The following ZNF420 variants were observed in gnomAD, a reference collection of about 807,000 sequenced individuals.
The protein encoded by ZNF420 is zinc finger protein 420.
A neutral mutation model predicts 44.7 loss-of-function variants in ZNF420; 31 were observed. That is an observed-to-expected ratio of 0.69 (90% CI 0.52 to 0.94). ZNF420 has a LOEUF of 0.94. ZNF420 is among the 40% of genes least tolerant of loss of function. The pLI, the probability that ZNF420 is intolerant of heterozygous loss-of-function variation, is 0.00. For synonymous variants in ZNF420, 245 were observed against 267.4 expected (o/e 0.92, Z 0.82); for missense variants, 681 against 827.9 (o/e 0.82, Z 2.18).
At chr19:37,091,705 C>G (rs1186974683) in intron 4 of ZNF420, 1 of 152,098 alleles carries the variant, frequency 6.6e-6, no homozygotes, top group African/African-American at 2.4e-5. Flanking sequence ...GTGGGTAGAT[C>G]ACCTGAGGTC....
chr19:37,116,723 A>T (rs1020303873), intron 4 of ZNF420, among the ~76,000 whole-genome samples: 4 of 152,182 alleles, frequency 2.6e-5, no homozygotes, highest in Non-Finnish European at 5.9e-5. Flanking sequence ...GGGGTGACAG[A>T]CGGCACCTGG....
chr19:37,098,427 A>G (rs915397966), intron 4 of ZNF420, among the ~76,000 whole-genome samples: 2 of 152,100 alleles, frequency 1.3e-5, no homozygotes, highest in African/African-American at 2.4e-5. Flanking sequence ...TAAATTTTTT[A>G]TGTGGTTATT....
chr19:37,116,725 G>A (rs551258301), intron 4 of ZNF420, among the ~76,000 whole-genome samples: 156 of 152,240 alleles, frequency 1.0e-3, no homozygotes, highest in African/African-American at 3.1e-3. Flanking sequence ...GGTGACAGAC[G>A]GCACCTGGAA....
chr19:37,120,459 T>C (rs1222762419), intron 4 of ZNF420, among the ~76,000 whole-genome samples: 5 of 152,134 alleles, frequency 3.3e-5, no homozygotes, highest in Non-Finnish European at 4.4e-5. Flanking sequence ...AATTAGGTAT[T>C]GATGGGATGT....
intron 2 of ZNF420, among the ~76,000 whole-genome samples, chr19:37,086,033 C>T (rs371479618): frequency 6.6e-6 from 1 of 151,316 alleles, no homozygotes; most frequent in African/African-American, 2.4e-5. Flanking sequence ...AACTTCTGGC[C>T]TCAAGTAATC....
At chr19:37,060,264 C>T (rs750631664) in intron 1 of ZNF420, among the ~76,000 whole-genome samples, 3 of 152,126 alleles carry the variant, frequency 2.0e-5, no homozygotes, top group Non-Finnish European at 4.4e-5. Flanking sequence ...GTTGTATCTC[C>T]TCGCGTCTCT....
intron 1 of ZNF420, among the ~76,000 whole-genome samples, chr19:37,057,490 TTC>T (rs749777753): frequency 7.3e-5 from 11 of 151,026 alleles, no homozygotes; most frequent in Non-Finnish European, 1.2e-4. Context: ...CTCTGTCTGT[TTC>T]TCTCTCTCTC....
chr19:37,038,569 A>G (rs569125183), intron 1 of ZNF420, among the ~76,000 whole-genome samples: 2 of 152,204 alleles, frequency 1.3e-5, no homozygotes, highest in Non-Finnish European at 2.9e-5. Context: ...TCTTTCAACA[A>G]TGTTGACAGC....
At chr19:37,104,333 G>A (rs1969957010) in intron 4 of ZNF420, among the ~76,000 whole-genome samples, 1 of 152,102 alleles carries the variant, frequency 6.6e-6, no homozygotes, top group African/African-American at 2.4e-5. Context: ...TTTTATGGCT[G>A]CATAGTATTC....
chr19:37,071,003 A>G (rs1406997282), intron 1 of ZNF420, among the ~76,000 whole-genome samples: 1 of 152,226 alleles, frequency 6.6e-6, no homozygotes, highest in Non-Finnish European at 1.5e-5. Flanking sequence ...ACAATGGCAG[A>G]GTTGAGTAGT....
intron 1 of ZNF420, among the ~76,000 whole-genome samples, chr19:37,018,759 G>A (rs1158856288): frequency 3.3e-5 from 5 of 151,916 alleles, no homozygotes; most frequent in African/African-American, 1.2e-4. Context: ...TAGTAGAGGC[G>A]GGGTTTCACC....
intron 1 of ZNF420, among the ~76,000 whole-genome samples, chr19:37,008,758 T>C (rs902522008): frequency 3.3e-5 from 5 of 152,340 alleles, no homozygotes; most frequent in African/African-American, 1.2e-4. Flanking sequence ...TGCTGTATCC[T>C]GCCTGGGCTC....
At chr19:37,012,631 G>A (rs1314603365) in intron 1 of ZNF420, among the ~76,000 whole-genome samples, 3 of 152,198 alleles carry the variant, frequency 2.0e-5, no homozygotes, top group Non-Finnish European at 4.4e-5. Flanking sequence ...GTGCACCCCC[G>A]TGACCTCGAG....
chr19:37,013,639 G>A (rs1013123393), intron 1 of ZNF420, among the ~76,000 whole-genome samples: 13 of 152,188 alleles, frequency 8.5e-5, no homozygotes, highest in African/African-American at 3.1e-4. Flanking sequence ...CAGGAATGGG[G>A]TTACAATCTG....
rs189278287 is a variant in ZNF420, at chr19:37,080,422, T to G, written c.-81+34T>G. On this transcript the variant is annotated intron_variant, in intron 2 of 4. Coordinates refer to ENST00000337995, the MANE Select transcript of ZNF420 (RefSeq NM_144689.5). ...TTCCTCTTTGTTTCCTGAAATACCT[T>G]TGTTATTACAGGACATAGACATTTT... 6 of 152,786 alleles carry G rather than the reference T, an allele frequency of 3.9e-5. No homozygotes were observed. The East Asian group carries it at 1.2e-3, about 29-fold the overall frequency. The allele number at this position is 152,786 out of a possible 1,614,324, so 9.5% of individuals were successfully genotyped here. A position where few individuals can be genotyped will look rare whatever the true frequency, so the allele number is the denominator to read the frequency against.
At chr19:37,027,209 C>T (rs985185772) in intron 1 of ZNF420, among the ~76,000 whole-genome samples, 1 of 152,132 alleles carries the variant, frequency 6.6e-6, no homozygotes. Flanking sequence ...GCTGTGATTG[C>T]ACCACTGCAC....
intron 1 of ZNF420, among the ~76,000 whole-genome samples, chr19:37,079,732 A>G (rs1968328719): frequency 6.6e-6 from 1 of 152,128 alleles, no homozygotes; most frequent in Non-Finnish European, 1.5e-5. Context: ...CAAGACAGCC[A>G]CTGGATGCTG....
chr19:37,123,738 G>C (rs1045096413), intron 4 of ZNF420, among the ~76,000 whole-genome samples: 2 of 150,808 alleles, frequency 1.3e-5, no homozygotes, highest in Non-Finnish European at 3.0e-5. Flanking sequence ...GAGTAGCTGG[G>C]ACTACAGGCG....
At chr19:37,118,205 G>A (rs1279183339) in intron 4 of ZNF420, among the ~76,000 whole-genome samples, 2 of 152,190 alleles carry the variant, frequency 1.3e-5, no homozygotes, top group East Asian at 1.9e-4. Context: ...AGGAAAAAAT[G>A]TTAAGGGCAG....
Sources: gnomAD v4.1 joint callset for allele counts (sites outside exome capture counted in the v4.1 genomes callset) on GRCh38, gnomAD v4.1.1 for gene constraint, MANE v1.5 for transcripts, NCBI Gene and HGNC (gene_info 2026-07-23, HGNC 2026-07-21) for gene names.